The following SLC9B1 variants were observed in gnomAD, a reference collection of about 807,000 sequenced individuals.
SLC9B1 encodes solute carrier family 9 member B1, also known as sodium/hydrogen exchanger 9B1.
Under a neutral mutation model 51.7 loss-of-function variants are expected in SLC9B1, and 32 were observed. That is an observed-to-expected ratio of 0.62 (90% CI 0.47 to 0.83). SLC9B1 has a LOEUF of 0.83. Ranked by LOEUF, SLC9B1 falls within the 40% of genes least tolerant of loss-of-function variation. SLC9B1 has a pLI of 0.00. For missense variants in SLC9B1, 406 were observed against 613.2 expected, an observed-to-expected ratio of 0.66 and a Z score of 3.57; for synonymous variants, 145 against 212.7, an observed-to-expected ratio of 0.68 and a Z score of 2.77.
chr4:102,946,567 T>G (rs1475317505), intron 5 of SLC9B1, 80 bp downstream of exon 5: 1 of 1,484,290 alleles, frequency 6.7e-7, no homozygotes, highest in Admixed American at 2.1e-5. Flanking sequence ...AACAGGAAAA[T>G]AAAATTTTTG....
At chr4:102,896,532 T>C (rs1199697812), downstream of SLC9B1, among the ~76,000 whole-genome samples, 4 of 152,118 alleles carry the variant, frequency 2.6e-5, no homozygotes, top group Middle Eastern at 3.2e-3. Context: ...TTTTTAGTAA[T>C]TGAAAAAATA....
chr4:102,950,668 C>A (rs1737503536), intron 3 of SLC9B1, among the ~76,000 whole-genome samples: 1 of 152,162 alleles, frequency 6.6e-6, no homozygotes, highest in African/African-American at 2.4e-5. Context: ...TCCTGCAAAA[C>A]TGGAAGCCTT....
intron 1 of SLC9B1, among the ~76,000 whole-genome samples, chr4:103,006,116 T>C (rs866364613): frequency 2.0e-5 from 3 of 151,830 alleles, no homozygotes; most frequent in African/African-American, 4.8e-5. Context: ...CTGAATGAAA[T>C]TGGGACATGA....
intron 3 of SLC9B1, among the ~76,000 whole-genome samples, chr4:102,960,147 T>C (rs1021106774): frequency 3.3e-5 from 5 of 152,012 alleles, no homozygotes; most frequent in African/African-American, 1.2e-4. Context: ...GATATCTTTT[T>C]GGACATTAAA....
At chr4:102,976,979 T>C (rs1208264225) in intron 3 of SLC9B1, among the ~76,000 whole-genome samples, 1 of 152,042 alleles carries the variant, frequency 6.6e-6, no homozygotes, top group Non-Finnish European at 1.5e-5. Flanking sequence ...GGCAATGCTG[T>C]CTCTACAAAA....
chr4:103,005,170 A>G (rs1392272076), intron 1 of SLC9B1, among the ~76,000 whole-genome samples: 1 of 152,088 alleles, frequency 6.6e-6, no homozygotes, highest in Non-Finnish European at 1.5e-5. Flanking sequence ...AGCAAGACCC[A>G]ACAATATACT....
At chr4:103,016,158 A>G (rs1481057841) in intron 1 of SLC9B1, among the ~76,000 whole-genome samples, 75 of 150,644 alleles carry the variant, frequency 5.0e-4, no homozygotes, top group African/African-American at 1.8e-3. Flanking sequence ...AAAAAAGGAA[A>G]GTATATGTTT....
At chr4:103,010,885 C>T (rs1442539977) in intron 1 of SLC9B1, among the ~76,000 whole-genome samples, 1 of 152,184 alleles carries the variant, frequency 6.6e-6, no homozygotes, top group Non-Finnish European at 1.5e-5. Flanking sequence ...CACAAACATT[C>T]AAACCATAGC....
rs376993576 is a variant in SLC9B1 at position 102,913,092 on chromosome 4, T to C, written c.830-1555A>G. The stretch of plus-strand genomic sequence containing the variant: ...AAGAAAAGCTGTTGCATTATACTCA[T>C]GATACCCCTTCCCCAAGCTGGAACA... On this transcript the variant is annotated intron_variant, in intron 7 of 11. Transcript: ENST00000296422. Among the ~76,000 whole-genome samples the C allele has an allele frequency of 3.9e-5, 6 of 152,182 alleles. No individual in the cohort carries two copies. In the East Asian group the frequency reaches 7.7e-4, roughly 19 times the overall value.
intron 7 of SLC9B1, among the ~76,000 whole-genome samples, chr4:102,919,456 GGA>G (rs879731077): frequency 1.3e-5 from 2 of 152,146 alleles, no homozygotes; most frequent in Non-Finnish European, 2.9e-5. Context: ...TGGCCAAATA[GGA>G]ACAGTTCCGG....
At chr4:102,992,569 T>G (rs1409796647) in intron 1 of SLC9B1, among the ~76,000 whole-genome samples, 2 of 152,206 alleles carry the variant, frequency 1.3e-5, no homozygotes, top group Admixed American at 1.3e-4. Context: ...ACATCTATTG[T>G]CTTACCATAA....
At chr4:102,905,263 C>T (rs1455735531) in intron 11 of SLC9B1, among the ~76,000 whole-genome samples, 2 of 125,774 alleles carry the variant, frequency 1.6e-5, no homozygotes, top group African/African-American at 6.1e-5. Flanking sequence ...CTCTGTCGCC[C>T]AGACTGGAAT....
At chr4:102,891,052 G>C (rs919067598) in intron 11 of SLC9B1, 16 of 151,002 alleles carry the variant, frequency 1.1e-4, no homozygotes, top group Admixed American at 8.5e-4. Flanking sequence ...ATCATTGATA[G>C]ATCCAGAACA....
chr4:102,985,438 T>G (rs904442871), intron 3 of SLC9B1, among the ~76,000 whole-genome samples: 1 of 152,224 alleles, frequency 6.6e-6, no homozygotes, highest in African/African-American at 2.4e-5. Context: ...ATGATTCAAT[T>G]TTCTGTTAGC....
chr4:102,949,010 A>C (rs1737408928), intron 4 of SLC9B1, among the ~76,000 whole-genome samples: 1 of 152,194 alleles, frequency 6.6e-6, no homozygotes, highest in Non-Finnish European at 1.5e-5. Context: ...TAATGTACTA[A>C]GGATATTAAA....
At chr4:102,898,106 A>G (rs1378925304), downstream of SLC9B1, 1 of 497,504 alleles carries the variant, frequency 2.0e-6, no homozygotes. Flanking sequence ...GTTATTTAGA[A>G]CTTCTTCATA....
intron 6 of SLC9B1, among the ~76,000 whole-genome samples, chr4:102,943,286 A>G (rs865985899): frequency 1.3e-5 from 2 of 152,314 alleles, no homozygotes; most frequent in Middle Eastern, 3.4e-3. Context: ...TTAAATAATT[A>G]AAAGTAGATC....
At chr4:102,922,151 A>G (rs1735911560) in intron 7 of SLC9B1, among the ~76,000 whole-genome samples, 1 of 152,244 alleles carries the variant, frequency 6.6e-6, no homozygotes, top group Admixed American at 6.5e-5. Flanking sequence ...AATTGACCAC[A>G]TAATTGGAAG....
In SLC9B1 at chr4:102,945,142, G is replaced by C. The variant is rs758159059; in HGVS notation, c.653+51C>G. On this transcript the variant is annotated intron_variant, in intron 6 of 11. Coordinates refer to ENST00000296422, the MANE Select transcript of SLC9B1 (RefSeq NM_139173.4). ...TTCTGAATATTTTAACAGTTTTAAT[G>C]AAGCATCCTTAATTGAATATTTTCA... 1.4e-5 allele frequency: 21 copies of C among 1,476,924 alleles called. No homozygotes were observed. The Admixed American group carries it at 2.3e-4, about 16-fold the overall frequency. 91.5% of individuals were successfully genotyped at this position (1,476,924 alleles called of 1,614,324 possible).
Sources: gnomAD v4.1 joint callset for allele counts (sites outside exome capture counted in the v4.1 genomes callset) on GRCh38, gnomAD v4.1.1 for gene constraint, MANE v1.5 for transcripts, NCBI Gene and HGNC (gene_info 2026-07-23, HGNC 2026-07-21) for gene names.